The following RBPMS variants were observed in gnomAD, a reference collection of about 807,000 sequenced individuals.
RBPMS encodes RNA binding protein, mRNA processing factor.
Under a neutral mutation model 26.8 loss-of-function variants are expected in RBPMS, and 7 were observed. The observed-to-expected ratio is 0.26, with a 90% CI of 0.15 to 0.49. The LOEUF (loss-of-function observed/expected upper bound fraction) is 0.49, where lower values mean the gene tolerates loss of function less well. Ranked by LOEUF, RBPMS falls within the 20% of genes least tolerant of loss-of-function variation. RBPMS has a pLI of 0.98. For synonymous variants in RBPMS, 96 were observed against 93.3 expected, an observed-to-expected ratio of 1.03 and a Z score of -0.17; for missense variants, 186 against 250.0, an observed-to-expected ratio of 0.74 and a Z score of 1.73.
chr8:30,545,051 C>A, intron 6 of RBPMS: 2 of 1,400,028 alleles, frequency 1.4e-6, no homozygotes, highest in South Asian at 1.4e-5. Context: ...GTTTTCCACT[C>A]TCGTGTACGG....
At chr8:30,508,436 CTG>C (rs1164791491) in intron 5 of RBPMS, among the ~76,000 whole-genome samples, 2 of 152,318 alleles carry the variant, frequency 1.3e-5, no homozygotes, top group African/African-American at 4.8e-5. Context: ...CCTAACCTCT[CTG>C]TGTCTCAGTT....
At chr8:30,438,345 T>C (rs1236989573) in intron 1 of RBPMS, among the ~76,000 whole-genome samples, 1 of 152,214 alleles carries the variant, frequency 6.6e-6, no homozygotes, top group Non-Finnish European at 1.5e-5. Context: ...CTGTCCTCCC[T>C]GTACAATGAA....
intron 1 of RBPMS, among the ~76,000 whole-genome samples, chr8:30,460,405 T>G (rs1815746582): frequency 6.6e-6 from 1 of 152,202 alleles, no homozygotes; most frequent in African/African-American, 2.4e-5. Flanking sequence ...TGGATGGATT[T>G]TTTTCTGTAG....
rs543437385 is a variant in RBPMS, at chr8:30,411,941, G to A, written c.66+26783G>A. On this transcript the variant is annotated intron_variant, in intron 1 of 8. Transcript: ENST00000397323. The stretch of plus-strand genomic sequence containing the variant: ...GCGGAGGTTGCAGTGAACCGAGATC[G>A]CGCCATTGCACTCCAGCCTGGGCAA... 1.0e-4 allele frequency among the ~76,000 whole-genome samples: 15 copies of A among 150,438 alleles called. No homozygotes were observed. The East Asian group carries it at 1.2e-3, about 12-fold the overall frequency.
intron 5 of RBPMS, among the ~76,000 whole-genome samples, chr8:30,518,816 G>A (rs1822673034): frequency 6.9e-6 from 1 of 144,764 alleles, no homozygotes; most frequent in African/African-American, 2.6e-5. Flanking sequence ...CCTGACCTCA[G>A]TGTAAGCCAG....
At chr8:30,549,789 T>TCTCTCTCTCTCTCTCTCC (rs1826173853) in intron 6 of RBPMS, among the ~76,000 whole-genome samples, 1 of 110,516 alleles carries the variant, frequency 9.0e-6, no homozygotes, top group Admixed American at 9.2e-5. Context: ...TCTCTCTCTC[T>TCTCTCTCTCTCTCTCTCC]CTCTCTCCCC....
intron 7 of RBPMS, chr8:30,561,899 A>G: frequency 1.0e-6 from 1 of 985,276 alleles, no homozygotes; most frequent in Non-Finnish European, 1.2e-6. Context: ...CCTGGGTTTC[A>G]TTTGTATCTG....
At chr8:30,504,513 G>A in intron 5 of RBPMS, 77 bp downstream of exon 5, 1 of 1,424,282 alleles carries the variant, frequency 7.0e-7, no homozygotes, top group African/African-American at 1.4e-5. Context: ...GTTACACCAT[G>A]GGACATGGAG....
intron 1 of RBPMS, among the ~76,000 whole-genome samples, chr8:30,385,819 T>C (rs905396510): frequency 1.3e-5 from 2 of 152,182 alleles, no homozygotes; most frequent in Non-Finnish European, 2.9e-5. Flanking sequence ...GGTATTTTCA[T>C]AGGACTTTGA....
intron 1 of RBPMS, among the ~76,000 whole-genome samples, chr8:30,415,587 A>G (rs2979486): frequency 0.19 from 28,566 of 152,116 alleles, 6,965 homozygotes; most frequent in African/African-American, 0.57. Context: ...ATAATCAATT[A>G]TCAGATATCA....
At chr8:30,562,791 G>C (rs1827607572) in intron 7 of RBPMS, among the ~76,000 whole-genome samples, 1 of 131,630 alleles carries the variant, frequency 7.6e-6, no homozygotes, top group Non-Finnish European at 1.8e-5. Context: ...AGCACGGAAA[G>C]AACAGAAGAC....
At chr8:30,439,606 T>A (rs1258459211) in intron 1 of RBPMS, among the ~76,000 whole-genome samples, 1 of 152,102 alleles carries the variant, frequency 6.6e-6, no homozygotes, top group Admixed American at 6.5e-5. Flanking sequence ...CCACACCCCC[T>A]CTTGCTTCCC....
At chr8:30,440,120 T>A (rs1399508644) in intron 1 of RBPMS, among the ~76,000 whole-genome samples, 2 of 152,170 alleles carry the variant, frequency 1.3e-5, no homozygotes, top group African/African-American at 4.8e-5. Context: ...TTTTATTTTT[T>A]GGAGACGGGG....
intron 1 of RBPMS, among the ~76,000 whole-genome samples, chr8:30,429,159 T>C (rs1462827134): frequency 6.6e-6 from 1 of 152,202 alleles, no homozygotes; most frequent in Non-Finnish European, 1.5e-5. Flanking sequence ...CTTCTTGCTT[T>C]ACAGATGAGG....
intron 4 of RBPMS, among the ~76,000 whole-genome samples, chr8:30,489,985 G>C (rs1201794929): frequency 1.3e-5 from 2 of 150,894 alleles, no homozygotes; most frequent in East Asian, 3.9e-4. Context: ...TAATTTTTTT[G>C]TATTTTTTAG....
intron 4 of RBPMS, among the ~76,000 whole-genome samples, chr8:30,491,076 T>G (rs1486901831): frequency 6.6e-6 from 1 of 152,208 alleles, no homozygotes; most frequent in Non-Finnish European, 1.5e-5. Context: ...ATTTACCCAC[T>G]TTGCTTATTT....
chr8:30,433,626 C>A (rs1290840184), intron 1 of RBPMS, among the ~76,000 whole-genome samples: 1 of 152,142 alleles, frequency 6.6e-6, no homozygotes. Flanking sequence ...GAGCTGTATT[C>A]ATGGCCATAG....
At chr8:30,515,547 A>G (rs1051744736) in intron 5 of RBPMS, among the ~76,000 whole-genome samples, 5 of 152,248 alleles carry the variant, frequency 3.3e-5, no homozygotes, top group Admixed American at 1.3e-4. Flanking sequence ...GTTGTCTTCT[A>G]TTAAACTAGA....
intron 4 of RBPMS, among the ~76,000 whole-genome samples, chr8:30,483,870 C>T (rs1563362830): frequency 6.6e-6 from 1 of 152,060 alleles, no homozygotes; most frequent in Non-Finnish European, 1.5e-5. Context: ...TCTGGCTCTT[C>T]TTTCTTAGCA....
Sources: allele counts gnomAD v4.1 joint callset (sites outside exome capture counted in the v4.1 genomes callset), GRCh38; gene constraint gnomAD v4.1.1; transcripts MANE v1.5; gene names NCBI Gene and HGNC (gene_info 2026-07-23, HGNC 2026-07-21).